GRID2: variants seen among roughly 807,000 people sequenced by gnomAD.
GRID2 encodes the protein glutamate receptor ionotropic, delta-2.
Under a neutral mutation model 114.8 loss-of-function variants are expected in GRID2, and 33 were observed. The observed-to-expected ratio is 0.29, with a 90% CI of 0.22 to 0.38. GRID2 has a LOEUF of 0.38. Among genes scored for constraint, GRID2 ranks in the 10% least tolerant of loss-of-function variants. GRID2 has a pLI of 1.00. For synonymous variants in GRID2, 505 were observed against 449.9 expected, an observed-to-expected ratio of 1.12 and a Z score of -1.55; for missense variants, 1,184 against 1,257.7, an observed-to-expected ratio of 0.94 and a Z score of 0.89.
intron 14 of GRID2, among the ~76,000 whole-genome samples, chr4:93,647,071 T>C (rs774876322): frequency 7.2e-5 from 11 of 152,068 alleles, no homozygotes; most frequent in Non-Finnish European, 1.5e-4. Context: ...AGGTAGAAGG[T>C]ACTTATGAAA....
intron 13 of GRID2, among the ~76,000 whole-genome samples, chr4:93,580,204 C>A (rs1736829719): frequency 6.6e-6 from 1 of 152,182 alleles, no homozygotes; most frequent in Non-Finnish European, 1.5e-5. Flanking sequence ...TTGCTCTGCA[C>A]AGTCTCTAGA....
chr4:92,948,960 A>G (rs1401637021), intron 2 of GRID2, among the ~76,000 whole-genome samples: 2 of 151,668 alleles, frequency 1.3e-5, no homozygotes, highest in Admixed American at 1.3e-4. Flanking sequence ...CCTCCAGTCA[A>G]CTCATTACTA....
At chr4:92,727,828 G>A (rs1736134604) in intron 2 of GRID2, among the ~76,000 whole-genome samples, 1 of 151,942 alleles carries the variant, frequency 6.6e-6, no homozygotes, top group African/African-American at 2.4e-5. Context: ...ATGATTACTA[G>A]TATCTCCATT....
chr4:93,243,935 A>G (rs17420541), intron 8 of GRID2, among the ~76,000 whole-genome samples: 20,789 of 151,992 alleles, frequency 0.14, 1,893 homozygotes, highest in Middle Eastern at 0.22. Flanking sequence ...TTTGCCCAAG[A>G]ATGTGGTTAT....
intron 14 of GRID2, among the ~76,000 whole-genome samples, chr4:93,681,369 A>T (rs990942753): frequency 6.6e-6 from 1 of 151,526 alleles, no homozygotes; most frequent in Non-Finnish European, 1.5e-5. Flanking sequence ...TAATTTAGAG[A>T]TTCAATGCCA....
At chr4:92,467,737 A>G (rs375458145) in intron 1 of GRID2, among the ~76,000 whole-genome samples, 1 of 152,026 alleles carries the variant, frequency 6.6e-6, no homozygotes, top group Non-Finnish European at 1.5e-5. Context: ...ATTAATGTGT[A>G]CACATGTTAT....
At position 92,851,585 on chromosome 4, in the gene GRID2, A is replaced by G. The variant is rs141408828; in HGVS notation, c.245-233410A>G. Among the ~76,000 whole-genome samples, 456 of 152,136 alleles carry G rather than the reference A, an allele frequency of 3.0e-3. 5 individuals are homozygous for G. Among genetic ancestry groups the G allele is most frequent in the South Asian group, 0.013 (63 of 4,832 alleles). ...GTAATTAAGAGATAATTATGTAGGT[A>G]ATGTTTAACATGCAAAAGAGGCATA... On this transcript the variant is annotated intron_variant, in intron 2 of 15. Coordinates refer to ENST00000282020, the MANE Select transcript of GRID2 (RefSeq NM_001510.4).
intron 6 of GRID2, among the ~76,000 whole-genome samples, chr4:93,217,723 G>C (rs1744400018): frequency 6.6e-6 from 1 of 151,824 alleles, no homozygotes; most frequent in Non-Finnish European, 1.5e-5. Context: ...TGTCAGTATA[G>C]GACTCTTCCT....
At chr4:92,933,343 C>G (rs1166587115) in intron 2 of GRID2, among the ~76,000 whole-genome samples, 1 of 151,190 alleles carries the variant, frequency 6.6e-6, no homozygotes, top group Non-Finnish European at 1.5e-5. Context: ...ATTTATATTA[C>G]AAAAAGTAAT....
At chr4:92,414,939 A>C (rs1731520103) in intron 1 of GRID2, among the ~76,000 whole-genome samples, 1 of 152,032 alleles carries the variant, frequency 6.6e-6, no homozygotes, top group Non-Finnish European at 1.5e-5. Flanking sequence ...TATTCCATGA[A>C]AGTTTTCATT....
intron 1 of GRID2, among the ~76,000 whole-genome samples, chr4:92,333,179 A>C (rs1300194698): frequency 1.3e-5 from 2 of 152,222 alleles, no homozygotes; most frequent in Admixed American, 6.5e-5. Context: ...CAGATATTGC[A>C]TTCTGCTCAT....
intron 2 of GRID2, among the ~76,000 whole-genome samples, chr4:92,775,951 G>T (rs1051049155): frequency 6.6e-6 from 1 of 152,096 alleles, no homozygotes; most frequent in Non-Finnish European, 1.5e-5. Context: ...TTTAAGAAAT[G>T]AGTAATTCTG....
chr4:93,615,820 A>C (rs913498320), intron 13 of GRID2, among the ~76,000 whole-genome samples: 2 of 152,080 alleles, frequency 1.3e-5, no homozygotes, highest in Non-Finnish European at 2.9e-5. Flanking sequence ...CATACCATCA[A>C]ACAACACAGG....
chr4:92,773,874 T>G (rs917118449), intron 2 of GRID2, among the ~76,000 whole-genome samples: 2 of 152,238 alleles, frequency 1.3e-5, no homozygotes, highest in Admixed American at 1.3e-4. Flanking sequence ...CCTGTCATAT[T>G]TGCACATTTA....
chr4:92,969,060 A>G (rs987498312), intron 2 of GRID2, among the ~76,000 whole-genome samples: 2 of 151,676 alleles, frequency 1.3e-5, no homozygotes, highest in African/African-American at 4.8e-5. Context: ...AATATAAGGC[A>G]ATAGTAGCAT....
At chr4:92,441,838 G>A (rs976225240) in intron 1 of GRID2, among the ~76,000 whole-genome samples, 12 of 151,904 alleles carry the variant, frequency 7.9e-5, no homozygotes, top group East Asian at 3.9e-4. Flanking sequence ...AGAGGAGGAC[G>A]CAAAGGAGGC....
rs76508235 is a variant in GRID2 at position 93,119,118 on chromosome 4, T to G, written c.735+8165T>G. Among the ~76,000 whole-genome samples the G allele has an allele frequency of 6.1e-3, 932 of 152,262 alleles. 14 individuals carry two copies. Among genetic ancestry groups the G allele is most frequent in the African/African-American group, 0.021 (876 of 41,556 alleles). On this transcript the variant is annotated intron_variant, in intron 4 of 15. Transcript: ENST00000282020. ...ATGCTCCCTTTGAAGTCTTAGAAAT[T>G]TAATACATTAAATGTCTACACTTAG...
intron 8 of GRID2, among the ~76,000 whole-genome samples, chr4:93,324,690 A>G (rs1757633603): frequency 6.6e-6 from 1 of 152,070 alleles, no homozygotes. Context: ...TTGGTAGGCT[A>G]TTAATTATTG....
chr4:93,270,154 T>C (rs1365638073), intron 8 of GRID2, among the ~76,000 whole-genome samples: 2 of 151,186 alleles, frequency 1.3e-5, no homozygotes, highest in African/African-American at 4.9e-5. Context: ...TATAAAATCA[T>C]CATAGTAACT....
Sources: gnomAD v4.1 joint callset for allele counts (sites outside exome capture counted in the v4.1 genomes callset) on GRCh38, gnomAD v4.1.1 for gene constraint, MANE v1.5 for transcripts, NCBI Gene and HGNC (gene_info 2026-07-23, HGNC 2026-07-21) for gene names.